Variants in ARHGAP23 observed in about 807,000 individuals in gnomAD.
The protein encoded by ARHGAP23 is rho GTPase-activating protein 23.
A neutral mutation model predicts 136.3 loss-of-function variants in ARHGAP23; 34 were observed. The observed-to-expected ratio is 0.25, with a 90% CI of 0.19 to 0.33. The LOEUF (loss-of-function observed/expected upper bound fraction) is 0.33, where lower values mean the gene tolerates loss of function less well. Ranked by LOEUF, ARHGAP23 falls within the 10% of genes least tolerant of loss-of-function variation. ARHGAP23 has a pLI of 1.00. For synonymous variants in ARHGAP23, 832 were observed against 920.5 expected, an observed-to-expected ratio of 0.90 and a Z score of 1.74; for missense variants, 1,808 against 2,139.0, an observed-to-expected ratio of 0.85 and a Z score of 3.05.
At chr17:38,490,281 G>C in intron 18 of ARHGAP23, 106 bp downstream of exon 18, 1 of 1,256,286 alleles carries the variant, frequency 8.0e-7, no homozygotes, top group Admixed American at 2.0e-5. Flanking sequence ...TGTGGCCTTG[G>C]AGAAGCCCCG....
At chr17:38,493,249 C>A (rs1384782920) in intron 20 of ARHGAP23, among the ~76,000 whole-genome samples, 1 of 148,554 alleles carries the variant, frequency 6.7e-6, no homozygotes, top group African/African-American at 2.5e-5. Flanking sequence ...GTCGCCCACA[C>A]TGGAGTGCAG....
intron 23 of ARHGAP23, among the ~76,000 whole-genome samples, chr17:38,507,739 G>A (rs1238420592): frequency 3.9e-5 from 6 of 152,230 alleles, no homozygotes; most frequent in Non-Finnish European, 7.3e-5. Flanking sequence ...TCCAGGGGGT[G>A]CCTTCTGGTG....
At chr17:38,445,919 GATT>G (rs1430451955) in intron 1 of ARHGAP23, among the ~76,000 whole-genome samples, 2 of 148,930 alleles carry the variant, frequency 1.3e-5, no homozygotes, top group Non-Finnish European at 3.0e-5. Context: ...CAGGTGCTGG[GATT>G]ACAGATGTGA....
At chr17:38,494,279 G>A (rs1383927044) in intron 20 of ARHGAP23, among the ~76,000 whole-genome samples, 3 of 152,198 alleles carry the variant, frequency 2.0e-5, no homozygotes, top group Non-Finnish European at 4.4e-5. Context: ...TCACATCGTT[G>A]TGAATGTCTG....
At chr17:38,423,157 AC>A (rs969119073) in intron 1 of ARHGAP23, among the ~76,000 whole-genome samples, 1 of 149,284 alleles carries the variant, frequency 6.7e-6, no homozygotes, top group African/African-American at 2.5e-5. Context: ...CCTCCCTACC[AC>A]CCAACACAGC....
intron 1 of ARHGAP23, among the ~76,000 whole-genome samples, chr17:38,447,130 C>T (rs1179632504): frequency 2.0e-5 from 3 of 152,138 alleles, no homozygotes; most frequent in African/African-American, 7.2e-5. Context: ...CCAATTTCTC[C>T]ACATCCTCAC....
intron 6 of ARHGAP23, among the ~76,000 whole-genome samples, chr17:38,465,166 G>C (rs1469006389): frequency 6.6e-6 from 1 of 152,104 alleles, no homozygotes; most frequent in Non-Finnish European, 1.5e-5. Context: ...GGAGACGGCG[G>C]GATGGCAGGA....
At chr17:38,437,739 T>A (rs1395790817) in intron 1 of ARHGAP23, among the ~76,000 whole-genome samples, 1 of 151,458 alleles carries the variant, frequency 6.6e-6, no homozygotes, top group African/African-American at 2.4e-5. Context: ...CCAGGGAAGT[T>A]AGACCCTCTT....
chr17:38,498,259 T>A (rs1284964680), intron 21 of ARHGAP23, among the ~76,000 whole-genome samples, 155 bp from the exon 22 acceptor site: 1 of 152,138 alleles, frequency 6.6e-6, no homozygotes, highest in Non-Finnish European at 1.5e-5. Flanking sequence ...GGAATCATCC[T>A]CAAGAGCGCC....
chr17:38,426,572 A>AAAAAAAAAAAAAAG (rs1567767218), upstream of ARHGAP23, among the ~76,000 whole-genome samples: 1 of 149,280 alleles, frequency 6.7e-6, no homozygotes, highest in Non-Finnish European at 1.5e-5. Flanking sequence ...AAAAAAAAAA[A>AAAAAAAAAAAAAAG]TCCAGGCAGT....
At chr17:38,447,513 A>G (rs2039063970) in intron 1 of ARHGAP23, among the ~76,000 whole-genome samples, 1 of 150,930 alleles carries the variant, frequency 6.6e-6, no homozygotes, top group African/African-American at 2.4e-5. Context: ...CTAGGAGGGC[A>G]AATCCATTCT....
intron 17 of ARHGAP23, among the ~76,000 whole-genome samples, chr17:38,487,024 C>G (rs1198688560): frequency 6.6e-6 from 1 of 152,172 alleles, no homozygotes; most frequent in Non-Finnish European, 1.5e-5. Flanking sequence ...TAATGCCTAG[C>G]GTTTTCCAGC....
chr17:38,485,970 G>C, intron 16 of ARHGAP23, 92 bp from the exon 17 acceptor site: 1 of 1,228,350 alleles, frequency 8.1e-7, no homozygotes, highest in East Asian at 2.5e-5. Context: ...GGGAGGGCCT[G>C]GTGGGCTTGA....
At chr17:38,432,931 T>A (rs9674587) in intron 1 of ARHGAP23, among the ~76,000 whole-genome samples, 27,716 of 152,118 alleles carry the variant, frequency 0.18, 7,894 homozygotes, top group African/African-American at 0.61. Flanking sequence ...CTTGGACAAG[T>A]TACTTCATTG....
intron 1 of ARHGAP23, among the ~76,000 whole-genome samples, chr17:38,428,971 G>C (rs1012146584): frequency 6.6e-6 from 1 of 152,200 alleles, no homozygotes; most frequent in Non-Finnish European, 1.5e-5. Flanking sequence ...TGGAGGGAGA[G>C]GGGGTGGGGG....
At chr17:38,474,805 G>T (rs2039853447) in intron 11 of ARHGAP23, among the ~76,000 whole-genome samples, 1 of 152,206 alleles carries the variant, frequency 6.6e-6, no homozygotes, top group East Asian at 1.9e-4. Context: ...CAGCAAGTTG[G>T]CAGTGACCCA....
At chr17:38,451,252 G>A (rs2039158724) in intron 1 of ARHGAP23, 1 of 152,410 alleles carries the variant, frequency 6.6e-6, no homozygotes, top group Admixed American at 6.5e-5. Context: ...GCTGGGTGTG[G>A]AGGTGGTGGG....
intron 20 of ARHGAP23, chr17:38,491,839 T>A: frequency 2.5e-6 from 1 of 392,700 alleles, no homozygotes; most frequent in Non-Finnish European, 4.7e-6. Context: ...AAGGTGCTAC[T>A]GGTGGAGGGC....
chr17:38,481,968 G>A (rs1567814239), intron 14 of ARHGAP23, 54 bp from the exon 15 acceptor site: 5 of 1,464,878 alleles, frequency 3.4e-6, no homozygotes, highest in East Asian at 2.6e-5. Flanking sequence ...CAGTGAATGT[G>A]TGTGACCCTC....
Sources: allele counts gnomAD v4.1 joint callset (sites outside exome capture counted in the v4.1 genomes callset), GRCh38; gene constraint gnomAD v4.1.1; transcripts MANE v1.5; gene names NCBI Gene and HGNC (gene_info 2026-07-23, HGNC 2026-07-21).